DYNC2I2: variants seen among roughly 807,000 people sequenced by gnomAD.
DYNC2I2 encodes cytoplasmic dynein 2 intermediate chain 2.
In DYNC2I2, 39 loss-of-function variants were observed where a neutral mutation model predicts 52.0. The observed-to-expected ratio is 0.75, with a 90% CI of 0.58 to 0.98. The LOEUF is 0.98. Ranked by LOEUF, DYNC2I2 falls within the 50% of genes least tolerant of loss-of-function variation. DYNC2I2 has a pLI of 0.00. For synonymous variants in DYNC2I2, 359 were observed against 321.1 expected (o/e 1.12, Z -1.26); for missense variants, 743 against 728.4 (o/e 1.02, Z -0.23).
chr9:128,634,904 G>T lies in DYNC2I2; in HGVS notation c.999C>A (p.Thr333=). 6.2e-7 allele frequency: 1 copy of T among 1,612,756 alleles called. No individual in the cohort carries two copies. The highest frequency in any genetic ancestry group is 2.2e-5 in the East Asian group (1 of 44,870). ...TKLKKHPRGE[T]EVGATAVAFS... is the part of the protein sequence containing the mutation. ...AGGCCACTGCCGTGGCGCCCACCTC[G>T]GTCTCCCCGCGGGGATGCTGTGGAG... The change falls in exon 7 of 9, where the codon ACC becomes ACA. Residue 333 remains threonine (T), a synonymous_variant. Transcript: ENST00000372715.
the DYNC2I2 span, among the ~76,000 whole-genome samples, chr9:128,664,724 A>T: frequency 2.0e-4 from 31 of 151,648 alleles, no homozygotes; most frequent in Admixed American, 6.6e-5. Context: ...ACCTCAGGTG[A>T]TCCACCCGCC....
chr9:128,634,745 A>C lies in DYNC2I2; in HGVS notation c.1158T>G (p.Phe386Leu). 1 of 1,601,784 alleles carries C rather than the reference A, an allele frequency of 6.2e-7. No individual in the cohort carries two copies. Among genetic ancestry groups the C allele is most frequent in the Non-Finnish European group, 8.5e-7 (1 of 1,174,770 alleles). Residue 386 changes from phenylalanine to leucine, a missense_variant, in exon 7 of 9, where the codon TTT becomes TTG. Phe to Leu is a conservative substitution (Grantham distance 22, BLOSUM62 0). Coordinates refer to ENST00000372715, the MANE Select transcript of DYNC2I2 (RefSeq NM_052844.4). The stretch of plus-strand genomic sequence containing the variant: ...TGGGACCGCCGTGGGGGGAGAAGGT[A>C]AACTGTGCTGGGGCCCGCAGGGGCA... ...SSVPLRAPAQ[F>L]TFSPHGGPIY... is the part of the protein sequence containing the mutation.
At chr9:128,671,168 G>A in the DYNC2I2 span, among the ~76,000 whole-genome samples, 6 of 151,878 alleles carry the variant, frequency 4.0e-5, no homozygotes, top group African/African-American at 1.5e-4. Context: ...TGGGCACAGT[G>A]ATGAGCACCT....
the DYNC2I2 span, among the ~76,000 whole-genome samples, chr9:128,681,476 T>C: frequency 6.6e-6 from 1 of 152,232 alleles, no homozygotes; most frequent in Non-Finnish European, 1.5e-5. Context: ...TTTGCATTGT[T>C]TCCAGTTTGT....
chr9:128,663,901 C>T, the DYNC2I2 span, among the ~76,000 whole-genome samples: 87 of 150,512 alleles, frequency 5.8e-4, no homozygotes, highest in African/African-American at 2.1e-3. Context: ...GATTCGTCTG[C>T]CTCGGCCTTT....
chr9:128,668,149 C>T, the DYNC2I2 span, among the ~76,000 whole-genome samples: 11,833 of 150,602 alleles, frequency 0.079, 1,167 homozygotes, highest in African/African-American at 0.22. Flanking sequence ...TTAATAGAGA[C>T]GGGGTTTCAT....
chr9:128,659,595 G>A (rs549056089), upstream of DYNC2I2, among the ~76,000 whole-genome samples: 67 of 151,198 alleles, frequency 4.4e-4, no homozygotes, highest in Non-Finnish European at 8.6e-4. Flanking sequence ...GGGACACCTC[G>A]TCTCTAAGAC....
chr9:128,652,918 CA>C (rs759120754), intron 1 of DYNC2I2, among the ~76,000 whole-genome samples: 81 of 133,156 alleles, frequency 6.1e-4, no homozygotes, highest in Admixed American at 8.4e-4. Flanking sequence ...AACTCCGTCT[CA>C]AAAAAAAAAA....
intron 1 of DYNC2I2, among the ~76,000 whole-genome samples, chr9:128,646,284 C>T (rs1057067704): frequency 7.2e-5 from 11 of 152,152 alleles, no homozygotes; most frequent in Admixed American, 4.6e-4. Context: ...GGTGTGATCT[C>T]GACAACCTGT....
intron 1 of DYNC2I2, among the ~76,000 whole-genome samples, chr9:128,648,791 C>T (rs1411620703): frequency 9.5e-6 from 1 of 104,842 alleles, no homozygotes; most frequent in Non-Finnish European, 2.2e-5. Context: ...CGGAGGGAGA[C>T]TCCGTTTCAA....
intron 1 of DYNC2I2, among the ~76,000 whole-genome samples, chr9:128,645,185 T>C (rs1860591337): frequency 3.8e-5 from 2 of 53,276 alleles, no homozygotes; most frequent in Non-Finnish European, 1.1e-4. Flanking sequence ...ACCCCATCTC[T>C]ACTAAAAAAA....
chr9:128,684,152 G>C, the DYNC2I2 span: 4 of 661,854 alleles, frequency 6.0e-6, no homozygotes, highest in Non-Finnish European at 1.0e-5. Flanking sequence ...TTAAGTTTGC[G>C]TGAAGAACCA....
rs34154610 is a variant in DYNC2I2 at position 128,649,688 on chromosome 9, C to CAAAA, written c.186+6849_186+6852dup. The stretch of plus-strand genomic sequence containing the variant: ...TGGGCAAGACAGTGAGACTCCATCT[C>CAAAA]AAAAAAAAAAAAAAAAAAAAACTGG... On this transcript the variant is annotated intron_variant, in intron 1 of 8. Coordinates refer to ENST00000372715, the MANE Select transcript of DYNC2I2 (RefSeq NM_052844.4). Among the ~76,000 whole-genome samples, 9 of 47,212 alleles carry CAAAA rather than the reference C, an allele frequency of 1.9e-4. 2 individuals carry two copies. Among genetic ancestry groups the CAAAA allele is most frequent in the East Asian group, 1.3e-3 (2 of 1,584 alleles). 31.0% of individuals were successfully genotyped at this position (47,212 alleles called of 152,430 possible).
chr9:128,643,449 C>T (rs1191158897), intron 1 of DYNC2I2, among the ~76,000 whole-genome samples: 1 of 151,542 alleles, frequency 6.6e-6, no homozygotes, highest in Non-Finnish European at 1.5e-5. Context: ...ATCGCTTGAA[C>T]TTGGGGGGCG....
chr9:128,671,971 T>G, the DYNC2I2 span, among the ~76,000 whole-genome samples: 1 of 138,930 alleles, frequency 7.2e-6, no homozygotes, highest in Non-Finnish European at 1.6e-5. Flanking sequence ...GTATTTTTAT[T>G]TATTTATTTA....
chr9:128,677,763 G>A, the DYNC2I2 span, among the ~76,000 whole-genome samples: 3 of 152,002 alleles, frequency 2.0e-5, no homozygotes, highest in Admixed American at 6.6e-5. Context: ...AGCCAAGATC[G>A]CGCCACTGCA....
intron 1 of DYNC2I2, among the ~76,000 whole-genome samples, chr9:128,642,741 C>T (rs1472284487): frequency 6.6e-6 from 1 of 151,686 alleles, no homozygotes; most frequent in Non-Finnish European, 1.5e-5. Flanking sequence ...GGTGACAGAG[C>T]GAGACTCCAT....
At position 128,656,788 on chromosome 9, in the gene DYNC2I2, A is replaced by C. The variant is rs1860838890; in HGVS notation, c.-62T>G. The C allele has an allele frequency of 2.3e-6, 3 of 1,308,398 alleles. No homozygotes were observed. Among genetic ancestry groups the C allele is most frequent in the Non-Finnish European group, 2.9e-6 (3 of 1,026,460 alleles). The allele number at this position is 1,308,398 out of a possible 1,614,324, so 81.0% of individuals were successfully genotyped here. A position where few individuals can be genotyped will look rare whatever the true frequency, so the allele number is the denominator to read the frequency against. ...GCGCGACCTCCGCCCCTACGCCGCCATGAGCGGAAAACGGGGAATGTGAGG... is the reference window on the plus strand; with the variant it reads ...GCGCGACCTCCGCCCCTACGCCGCCCTGAGCGGAAAACGGGGAATGTGAGG... On this transcript the variant is annotated 5_prime_UTR_variant, in exon 1 of 9. It removes an upstream start codon present in the reference 5' UTR. Transcript: ENST00000372715.
the DYNC2I2 span, among the ~76,000 whole-genome samples, chr9:128,679,428 C>A: frequency 1.3e-5 from 2 of 152,068 alleles, no homozygotes; most frequent in South Asian, 2.1e-4. Flanking sequence ...GTATTGAGGT[C>A]ATTGACTTAT....
Sources: allele counts gnomAD v4.1 joint callset (sites outside exome capture counted in the v4.1 genomes callset), GRCh38; gene constraint gnomAD v4.1.1; transcripts MANE v1.5; gene names NCBI Gene and HGNC (gene_info 2026-07-23, HGNC 2026-07-21).